Variants in CRB1 observed in about 807,000 individuals in gnomAD.
The protein encoded by CRB1 is crumbs cell polarity complex component 1, also known as protein crumbs homolog 1.
A neutral mutation model predicts 120.0 loss-of-function variants in CRB1; 83 were observed. That is an observed-to-expected ratio of 0.69 (90% CI 0.58 to 0.83). The LOEUF is 0.83. Among genes scored for constraint, CRB1 ranks in the 40% least tolerant of loss-of-function variants. The pLI, the probability that CRB1 is intolerant of heterozygous loss-of-function variation, is 0.00. For missense variants in CRB1, 1,699 were observed against 1,687.6 expected (o/e 1.01, Z -0.12); for synonymous variants, 625 against 612.5 (o/e 1.02, Z -0.30).
intron 7 of CRB1, among the ~76,000 whole-genome samples, chr1:197,428,558 T>G (rs1229581112): frequency 1.3e-5 from 2 of 152,240 alleles, no homozygotes; most frequent in African/African-American, 2.4e-5. Flanking sequence ...CAGCTCTGCA[T>G]GACCTTTCAA....
chr1:197,465,146 A>G (rs890358590), intron 11 of CRB1, among the ~76,000 whole-genome samples: 1 of 152,342 alleles, frequency 6.6e-6, no homozygotes, highest in Admixed American at 6.5e-5. Flanking sequence ...TTATTGTATG[A>G]TCTAATTTTA....
chr1:197,243,331 C>T, the CRB1 span, among the ~76,000 whole-genome samples: 13 of 152,114 alleles, frequency 8.5e-5, no homozygotes, highest in East Asian at 5.8e-4. Context: ...ATAAATTTCC[C>T]TCTAAACACT....
chr1:197,244,580 T>C, the CRB1 span, among the ~76,000 whole-genome samples: 1 of 152,052 alleles, frequency 6.6e-6, no homozygotes, highest in Non-Finnish European at 1.5e-5. Context: ...CTTTCATTGA[T>C]TTCAAGATTT....
chr1:197,260,987 G>T, the CRB1 span, among the ~76,000 whole-genome samples: 1 of 152,050 alleles, frequency 6.6e-6, no homozygotes, highest in Non-Finnish European at 1.5e-5. Flanking sequence ...GAGCCACCGC[G>T]CCCGGCCTCT....
Position 197,427,673 on chromosome 1 carries a change from T to C in CRB1, c.2348T>C (p.Val783Ala). The change falls in exon 7 of 12, where the codon GTA becomes GCA. Residue 783 changes from valine (V) to alanine (A), a missense_variant. Transcript: ENST00000367400. ...CTGACTCCAAACTCTCCCAAATTAG[T>C]AGTAAAATTTGTTCTTAATGATGGA... ...AMLTPNSPKLVVKFVLNDGNV... is the reference protein window; with the variant it reads ...AMLTPNSPKLAVKFVLNDGNV... The C allele has an allele frequency of 6.2e-7, 1 of 1,613,822 alleles. No homozygotes were observed. The highest frequency in any genetic ancestry group is 8.5e-7 in the Non-Finnish European group (1 of 1,179,852).
chr1:197,283,725 A>C (rs1475043805), intron 1 of CRB1, among the ~76,000 whole-genome samples: 1 of 151,654 alleles, frequency 6.6e-6, no homozygotes, highest in Non-Finnish European at 1.5e-5. Flanking sequence ...GGATTGCAAT[A>C]TTTTTCTTTA....
intron 11 of CRB1, among the ~76,000 whole-genome samples, chr1:197,461,138 A>T (rs1426662466): frequency 6.6e-6 from 1 of 152,158 alleles, no homozygotes; most frequent in African/African-American, 2.4e-5. Context: ...TTAATTACCA[A>T]TATAAATGCT....
At chr1:197,291,119 A>G (rs1656152528) in intron 1 of CRB1, among the ~76,000 whole-genome samples, 1 of 151,848 alleles carries the variant, frequency 6.6e-6, no homozygotes, top group Admixed American at 6.6e-5. Context: ...TAACTTCAAG[A>G]GCTAGGATGA....
chr1:197,318,111 G>T (rs997316114), intron 1 of CRB1, among the ~76,000 whole-genome samples: 1 of 151,964 alleles, frequency 6.6e-6, no homozygotes, highest in Non-Finnish European at 1.5e-5. Context: ...CTAATAAGGG[G>T]TTAATATCCA....
chr1:197,470,351 A>G (rs940649579), intron 11 of CRB1, among the ~76,000 whole-genome samples: 7 of 152,214 alleles, frequency 4.6e-5, no homozygotes, highest in Non-Finnish European at 7.3e-5. Flanking sequence ...GGTCTCCCCA[A>G]GAAGATGACA....
intron 5 of CRB1, among the ~76,000 whole-genome samples, chr1:197,367,521 C>T (rs1661139357): frequency 6.6e-6 from 1 of 152,154 alleles, no homozygotes; most frequent in African/African-American, 2.4e-5. Flanking sequence ...GATCTCATGA[C>T]CTGTGTGCTT....
At chr1:197,397,875 G>A (rs1010855308) in intron 5 of CRB1, among the ~76,000 whole-genome samples, 1 of 152,116 alleles carries the variant, frequency 6.6e-6, no homozygotes, top group Non-Finnish European at 1.5e-5. Context: ...TCTACAGCTC[G>A]ATTGTGGTGG....
the CRB1 span, among the ~76,000 whole-genome samples, chr1:197,258,881 T>C: frequency 6.6e-6 from 1 of 152,230 alleles, no homozygotes; most frequent in Admixed American, 6.5e-5. Flanking sequence ...ATCTGGTTTA[T>C]AAGAATGACT....
chr1:197,314,152 T>A (rs928793640), intron 1 of CRB1, among the ~76,000 whole-genome samples: 2 of 152,196 alleles, frequency 1.3e-5, no homozygotes, highest in African/African-American at 4.8e-5. Flanking sequence ...GTACTGCAAT[T>A]ATATGGGAAC....
Sources: allele counts gnomAD v4.1 joint callset (sites outside exome capture counted in the v4.1 genomes callset), GRCh38; gene constraint gnomAD v4.1.1; transcripts MANE v1.5; gene names NCBI Gene and HGNC (gene_info 2026-07-23, HGNC 2026-07-21).